The following ZBTB7C variants were observed in gnomAD, a reference collection of about 807,000 sequenced individuals.
ZBTB7C encodes the protein zinc finger and BTB domain-containing protein 7C.
A neutral mutation model predicts 25.7 loss-of-function variants in ZBTB7C; 8 were observed. The ratio of observed to expected loss-of-function variants is 0.31; its 90% CI spans 0.18 to 0.56. ZBTB7C has a LOEUF of 0.56. ZBTB7C is among the 20% of genes least tolerant of loss of function. The pLI is 0.91. For missense variants in ZBTB7C, 824 were observed against 855.2 expected, an observed-to-expected ratio of 0.96 and a Z score of 0.46; for synonymous variants, 394 against 369.0, an observed-to-expected ratio of 1.07 and a Z score of -0.78.
chr18:48,144,593 G>A (rs778604859), intron 3 of ZBTB7C, among the ~76,000 whole-genome samples: 4 of 152,018 alleles, frequency 2.6e-5, no homozygotes, highest in East Asian at 1.9e-4. Flanking sequence ...CCATCTGCTC[G>A]CCTCAGCCTC....
intron 3 of ZBTB7C, chr18:48,083,979 G>A (rs1019707474): frequency 2.1e-5 from 15 of 726,024 alleles, no homozygotes; most frequent in African/African-American, 7.7e-5. Context: ...GTCGTCGCAG[G>A]GACAGCCTCC....
rs1010036065 is a variant in ZBTB7C at position 48,294,726 on chromosome 18, A to G, written c.-79+43448T>C. ...CACAGAGGGCTTCACCCCTCCCCCA[A>G]CACCAGCAGGACAGTTATTCCAGCT... On this transcript the variant is annotated intron_variant, in intron 2 of 4. Transcript: ENST00000590800. Among the ~76,000 whole-genome samples, 27 of 151,232 alleles carry G rather than the reference A, an allele frequency of 1.8e-4. No homozygotes were observed. The East Asian group carries it at 4.7e-3, about 26-fold the overall frequency.
chr18:48,338,582 C>T (rs1347935211), intron 1 of ZBTB7C, among the ~76,000 whole-genome samples, 184 bp from the exon 2 acceptor site: 1 of 152,136 alleles, frequency 6.6e-6, no homozygotes, highest in Non-Finnish European at 1.5e-5. Context: ...GCCCACCAAC[C>T]CAGGCCCAGG....
chr18:48,274,607 A>T (rs1021484777), intron 2 of ZBTB7C, among the ~76,000 whole-genome samples: 11 of 152,322 alleles, frequency 7.2e-5, no homozygotes, highest in Admixed American at 3.3e-4. Context: ...ATCCAGAAAC[A>T]TGTGGAAGTC....
At chr18:48,143,393 G>A (rs1239520543) in intron 3 of ZBTB7C, among the ~76,000 whole-genome samples, 1 of 152,194 alleles carries the variant, frequency 6.6e-6, no homozygotes, top group African/African-American at 2.4e-5. Context: ...GAACATTTAT[G>A]CACAGAAAAC....
chr18:48,337,389 G>A (rs563461045), intron 2 of ZBTB7C, among the ~76,000 whole-genome samples: 3 of 152,228 alleles, frequency 2.0e-5, no homozygotes, highest in Non-Finnish European at 4.4e-5. Flanking sequence ...CATGGGAACA[G>A]GCTGTGCCAT....
chr18:48,094,009 A>G (rs2038523251), intron 3 of ZBTB7C, among the ~76,000 whole-genome samples: 2 of 152,222 alleles, frequency 1.3e-5, no homozygotes, highest in African/African-American at 4.8e-5. Context: ...CAGTGAGCTG[A>G]GATCACGCCA....
chr18:48,130,357 G>A (rs545043719), intron 3 of ZBTB7C, among the ~76,000 whole-genome samples: 20 of 152,234 alleles, frequency 1.3e-4, no homozygotes, highest in Middle Eastern at 3.4e-3. Context: ...GGGCTTTAAG[G>A]GAAGTGGGCA....
chr18:48,288,004 G>T lies in ZBTB7C; in HGVS notation c.-79+50170C>A, dbSNP rs1272177645. ...CTCTTTAACATCAGGAACAGCACAA[G>T]GCTGTCCACCATCTCTGCTACTCTA... is the stretch of plus-strand genomic sequence containing the variant. On this transcript the variant is annotated intron_variant, in intron 2 of 4. Transcript: ENST00000590800. Among the ~76,000 whole-genome samples the T allele has an allele frequency of 2.0e-5, 3 of 152,148 alleles. No homozygotes were observed. In the East Asian group the frequency reaches 5.8e-4, roughly 29 times the overall value.
At chr18:48,034,091 G>T (rs2035870416) in intron 4 of ZBTB7C, among the ~76,000 whole-genome samples, 1 of 152,196 alleles carries the variant, frequency 6.6e-6, no homozygotes, top group Admixed American at 6.5e-5. Flanking sequence ...ATATGTTCTA[G>T]CTGGAATCTC....
rs147473055 is a variant in ZBTB7C, at chr18:48,253,249, A to G, written c.-78-67254T>C. The stretch of plus-strand genomic sequence containing the variant: ...AAAGAAAAAAAATCCCTCCTGTGCC[A>G]GGGATCTAGTCAAGGTAAAATAAAT... On this transcript the variant is annotated intron_variant, in intron 2 of 4. Coordinates refer to ENST00000590800, the MANE Select transcript of ZBTB7C (RefSeq NM_001318841.2). Among the ~76,000 whole-genome samples, 1,508 of 152,312 alleles carry G rather than the reference A, an allele frequency of 9.9e-3. 14 individuals are homozygous for G. The highest frequency in any genetic ancestry group is 0.038 in the South Asian group (184 of 4,822).
At chr18:48,315,382 G>A (rs1191640148) in intron 2 of ZBTB7C, among the ~76,000 whole-genome samples, 7 of 152,302 alleles carry the variant, frequency 4.6e-5, no homozygotes, top group South Asian at 4.1e-4. Context: ...GAGGGATCAC[G>A]TATCTGGATT....
intron 1 of ZBTB7C, among the ~76,000 whole-genome samples, chr18:48,339,941 C>A (rs530884503): frequency 1.3e-5 from 2 of 152,238 alleles, no homozygotes; most frequent in African/African-American, 4.8e-5. Flanking sequence ...TGGCCCTCTA[C>A]AGCTCACACT....
intron 3 of ZBTB7C, among the ~76,000 whole-genome samples, chr18:48,089,298 G>A (rs1228821909): frequency 4.0e-5 from 6 of 151,810 alleles, no homozygotes; most frequent in South Asian, 2.1e-4. Flanking sequence ...GTGAAACCTC[G>A]TCTCTGCTAA....
intron 2 of ZBTB7C, among the ~76,000 whole-genome samples, chr18:48,260,822 A>G (rs1048110966): frequency 2.0e-5 from 3 of 152,300 alleles, no homozygotes; most frequent in African/African-American, 7.2e-5. Flanking sequence ...AGCCTGCCCT[A>G]GGCCTGGTGA....
chr18:48,292,651 G>GA (rs1321058685), intron 2 of ZBTB7C, among the ~76,000 whole-genome samples: 3 of 152,192 alleles, frequency 2.0e-5, no homozygotes, highest in African/African-American at 7.2e-5. Flanking sequence ...GGCAGAAACT[G>GA]AAAACTGGAT....
chr18:48,184,928 T>A (rs954269267), intron 3 of ZBTB7C, among the ~76,000 whole-genome samples: 1 of 152,152 alleles, frequency 6.6e-6, no homozygotes, highest in Non-Finnish European at 1.5e-5. Context: ...TATAGACTGA[T>A]CTCAAATACA....
chr18:48,089,326 C>T (rs772216608), intron 3 of ZBTB7C, among the ~76,000 whole-genome samples: 26 of 151,736 alleles, frequency 1.7e-4, no homozygotes, highest in Admixed American at 9.9e-4. Flanking sequence ...AAAAATTAGC[C>T]GGGTGTGGTG....
At chr18:48,162,395 C>G (rs923789370) in intron 3 of ZBTB7C, 1 of 456,540 alleles carries the variant, frequency 2.2e-6, no homozygotes, top group Admixed American at 2.3e-5. Flanking sequence ...TCAGTTGTTG[C>G]ATCTGTAAAA....
Sources: gnomAD v4.1 joint callset for allele counts (sites outside exome capture counted in the v4.1 genomes callset) on GRCh38, gnomAD v4.1.1 for gene constraint, MANE v1.5 for transcripts, NCBI Gene and HGNC (gene_info 2026-07-23, HGNC 2026-07-21) for gene names.